Variants in GLRA1 observed in about 807,000 individuals in gnomAD.
GLRA1 encodes glycine receptor alpha 1.
GLRA1 carries 37 observed loss-of-function variants against 48.3 expected under a neutral mutation model. The ratio of observed to expected loss-of-function variants is 0.77; its 90% confidence interval spans 0.59 to 1.01. The LOEUF is 1.01. GLRA1 is among the 50% of genes least tolerant of loss of function. GLRA1 has a pLI of 0.00. For missense variants in GLRA1, 427 were observed against 571.0 expected (o/e 0.75, Z 2.57); for synonymous variants, 196 against 210.7 (o/e 0.93, Z 0.60).
At chr5:151,846,336 G>A (rs1752671753) in intron 7 of GLRA1, among the ~76,000 whole-genome samples, 1 of 152,184 alleles carries the variant, frequency 6.6e-6, no homozygotes, top group Non-Finnish European at 1.5e-5. Flanking sequence ...ACCATAGGTA[G>A]AGAAGAATGT....
Position 151,907,695 on chromosome 5 carries a change from C to T in GLRA1, c.57-15257G>A, listed in dbSNP as rs76399894. Among the ~76,000 whole-genome samples the T allele has an allele frequency of 8.0e-3, 1,221 of 152,216 alleles. 20 individuals carry two copies. The highest frequency in any genetic ancestry group is 0.028 in the African/African-American group (1,149 of 41,508). On this transcript the variant is annotated intron_variant, in intron 1 of 8. Transcript: ENST00000274576. ...CAAAAGTCTCAAGGCCTGGGATGGC[C>T]CAGACAGTTGTGAAAAGATTAGCTG...
In GLRA1 at chr5:151,851,593, A is replaced by G; in HGVS notation, c.709T>C (p.Cys237Arg). The change falls in exon 7 of 9, where the codon TGC becomes CGC. Residue 237 changes from cysteine to arginine, a missense_variant. Physicochemically the swap from Cys to Arg is radical, Grantham distance 180 (BLOSUM62 -3). Transcript: ENST00000274576. ...TKHYNTGKFT[C>R]IEARFHLERQ... ...TCCAGGTGGAACCGGGCCTCAATGCAGGTGAATTTACCTGCAAGAAATTGC... is the reference window on the plus strand; with the variant it reads ...TCCAGGTGGAACCGGGCCTCAATGCGGGTGAATTTACCTGCAAGAAATTGC... 6 of 1,612,728 alleles carry G rather than the reference A, an allele frequency of 3.7e-6. No individual in the cohort carries two copies. The highest frequency in any genetic ancestry group is 5.1e-6 in the Non-Finnish European group (6 of 1,178,702).
Position 151,913,671 on chromosome 5 carries a change from TG to T in GLRA1, c.56+10822del, listed in dbSNP as rs542229543. Among the ~76,000 whole-genome samples, 18 of 152,342 alleles carry T rather than the reference TG, an allele frequency of 1.2e-4. No homozygotes were observed. In the South Asian group the frequency reaches 3.7e-3, roughly 32 times the overall value. On this transcript the variant is annotated intron_variant, in intron 1 of 8. Transcript: ENST00000274576. ...ATGGTGTTTAGAATAATCCCATTTT[TG>T]TAAAACAGAAGCAGCTTACTACAGT...
intron 1 of GLRA1, 118 bp from the exon 2 acceptor site, chr5:151,892,556 T>G: frequency 9.9e-7 from 1 of 1,009,408 alleles, no homozygotes; most frequent in South Asian, 1.4e-5. Context: ...TGGAGTAATA[T>G]GGGTAATATG....
intron 2 of GLRA1, among the ~76,000 whole-genome samples, chr5:151,887,494 A>G (rs767598258): frequency 6.6e-6 from 1 of 152,214 alleles, no homozygotes; most frequent in African/African-American, 2.4e-5. Context: ...AGTATTATTA[A>G]CATCATTTCA....
intron 7 of GLRA1, chr5:151,850,537 T>C: frequency 1.8e-6 from 2 of 1,100,514 alleles, no homozygotes; most frequent in South Asian, 1.2e-5. Context: ...TCCACGCTTA[T>C]GATCCCAAGG....
At chr5:151,881,320 TC>T (rs1179200913) in intron 3 of GLRA1, among the ~76,000 whole-genome samples, 2 of 119,684 alleles carry the variant, frequency 1.7e-5, no homozygotes, top group South Asian at 5.4e-4. Context: ...TTTTTGTTTT[TC>T]CTTTTTTTTT....
At chr5:151,886,347 C>T (rs1484513870) in intron 3 of GLRA1, among the ~76,000 whole-genome samples, 1 of 152,064 alleles carries the variant, frequency 6.6e-6, no homozygotes, top group Non-Finnish European at 1.5e-5. Flanking sequence ...TACAATTAAC[C>T]CAATATACCC....
chr5:151,890,929 C>T (rs1317027605), intron 2 of GLRA1, among the ~76,000 whole-genome samples: 2 of 152,030 alleles, frequency 1.3e-5, no homozygotes, highest in African/African-American at 2.4e-5. Context: ...GGAGAGTGGG[C>T]CCAAACAGAG....
intron 3 of GLRA1, among the ~76,000 whole-genome samples, chr5:151,873,123 G>C (rs980094214): frequency 6.7e-6 from 1 of 149,564 alleles, no homozygotes; most frequent in African/African-American, 2.6e-5. Context: ...TTAAAAAAAT[G>C]TTCCAGGGTG....
At chr5:151,909,593 T>C (rs1486367210) in intron 1 of GLRA1, among the ~76,000 whole-genome samples, 1 of 152,246 alleles carries the variant, frequency 6.6e-6, no homozygotes, top group Non-Finnish European at 1.5e-5. Context: ...AATTTATTTT[T>C]AATTTGATTT....
intron 1 of GLRA1, among the ~76,000 whole-genome samples, chr5:151,910,587 A>G (rs1016788730): frequency 1.3e-5 from 2 of 152,162 alleles, no homozygotes; most frequent in African/African-American, 4.8e-5. Flanking sequence ...ACTTTTCTGC[A>G]TGGAATGAGG....
intron 7 of GLRA1, chr5:151,850,209 CATT>C: frequency 6.2e-7 from 1 of 1,603,562 alleles, no homozygotes; most frequent in Non-Finnish European, 8.5e-7. Flanking sequence ...CGTGGAGGCC[CATT>C]ACCAGGCCTG....
intron 7 of GLRA1, chr5:151,849,098 C>CT: frequency 4.5e-6 from 1 of 221,244 alleles, no homozygotes; most frequent in Non-Finnish European, 8.1e-6. Context: ...CTTTTTATTT[C>CT]TTTTCTTTTC....
intron 3 of GLRA1, among the ~76,000 whole-genome samples, chr5:151,885,749 T>A (rs753205818): frequency 1.3e-5 from 2 of 152,164 alleles, no homozygotes; most frequent in Non-Finnish European, 2.9e-5. Context: ...CCTCCTCAGC[T>A]TTGCAAAAGA....
chr5:151,883,378 A>G (rs1457504112), intron 3 of GLRA1, among the ~76,000 whole-genome samples: 1 of 152,088 alleles, frequency 6.6e-6, no homozygotes, highest in Non-Finnish European at 1.5e-5. Context: ...TGGTCCTCCA[A>G]TTTTTTTAGT....
At chr5:151,860,089 A>T in intron 3 of GLRA1, 81 bp from the exon 4 acceptor site, 1 of 974,860 alleles carries the variant, frequency 1.0e-6, no homozygotes, top group Admixed American at 1.8e-5. Flanking sequence ...GCTTTTGGCC[A>T]GTAAAACCTT....
rs140130909 is a variant in GLRA1 at position 151,891,889 on chromosome 5, G to A, written c.184+422C>T. Among the ~76,000 whole-genome samples the A allele has an allele frequency of 2.2e-4, 33 of 152,172 alleles. No homozygotes were observed. The East Asian group carries it at 6.2e-3, about 29-fold the overall frequency. On this transcript the variant is annotated intron_variant, in intron 2 of 8. Transcript: ENST00000274576. Reference sequence around the variant, plus strand: ...AGCCTGAAAGCTCCGTGAAGCGTATGTTTAAAAGCTGCCAAAGTTGCCAAG... The same window carrying A: ...AGCCTGAAAGCTCCGTGAAGCGTATATTTAAAAGCTGCCAAAGTTGCCAAG...
intron 8 of GLRA1, among the ~76,000 whole-genome samples, chr5:151,825,432 T>C (rs1260755915): frequency 6.6e-6 from 1 of 151,770 alleles, no homozygotes; most frequent in Non-Finnish European, 1.5e-5. Context: ...GTAGGAGGAG[T>C]AGAGGTTTGG....
Sources: allele counts gnomAD v4.1 joint callset (sites outside exome capture counted in the v4.1 genomes callset), GRCh38; gene constraint gnomAD v4.1.1; transcripts MANE v1.5; gene names NCBI Gene and HGNC (gene_info 2026-07-23, HGNC 2026-07-21).